TAF6L: variants seen among roughly 807,000 people sequenced by gnomAD.
TAF6L encodes TATA-box binding protein associated factor 6 like.
TAF6L carries 34 observed loss-of-function variants against 57.3 expected under a neutral mutation model. The ratio of observed to expected loss-of-function variants is 0.59; its 90% confidence interval spans 0.45 to 0.79. TAF6L has a LOEUF of 0.79. Ranked by LOEUF, TAF6L falls within the 30% of genes least tolerant of loss-of-function variation. The pLI is 0.00. For missense variants in TAF6L, 782 were observed against 853.2 expected, an observed-to-expected ratio of 0.92 and a Z score of 1.04; for synonymous variants, 417 against 376.3, an observed-to-expected ratio of 1.11 and a Z score of -1.25.
chr11:62,772,156 A>T (rs1470479893), intron 1 of TAF6L: 1 of 456,248 alleles, frequency 2.2e-6, no homozygotes, highest in Admixed American at 2.3e-5. Flanking sequence ...GAAATACATA[A>T]TAATATCTTA....
intron 1 of TAF6L, among the ~76,000 whole-genome samples, chr11:62,772,489 C>T (rs902964799): frequency 1.3e-5 from 2 of 149,806 alleles, no homozygotes; most frequent in Non-Finnish European, 3.0e-5. Context: ...CGCCACTGTA[C>T]TCCAGCCTGG....
rs986212681 is a variant in TAF6L, at chr11:62,787,072, A to G, written c.1645A>G (p.Lys549Glu). 14 of 1,530,648 alleles carry G rather than the reference A, an allele frequency of 9.1e-6. No homozygotes were observed. Among genetic ancestry groups the G allele is most frequent in the African/African-American group, 1.4e-5 (1 of 71,198 alleles). The allele number at this position is 1,530,648 out of a possible 1,614,324, so 94.8% of individuals were successfully genotyped here. The stretch of plus-strand genomic sequence containing the variant: ...GACCGGCACCCGCGACGTTTTCCAG[A>G]AGAGCCGTTTCGCCCCGCGCGGCGC... ...PGTGTRDVFQ[K>E]SRFAPRGAPH... is the part of the protein sequence containing the mutation. The change falls in exon 11 of 11, where the codon AAG (lysine) becomes GAG (glutamate). Residue 549 changes from lysine (K) to glutamate (E), a missense_variant. Physicochemically the swap from Lys to Glu is moderately conservative, Grantham distance 56. This residue lies in a region of TAF6L where 483 missense variants were observed against 445.1 expected (regional missense o/e 1.09). Transcript: ENST00000294168.
At chr11:62,781,097 G>A (rs1194569568) in intron 6 of TAF6L, among the ~76,000 whole-genome samples, 9 of 151,300 alleles carry the variant, frequency 5.9e-5, no homozygotes, top group Non-Finnish European at 1.2e-4. Flanking sequence ...TTAGCTGGGC[G>A]TGGTGGTGGG....
intron 1 of TAF6L, among the ~76,000 whole-genome samples, chr11:62,772,436 T>C (rs530870067): frequency 6.6e-6 from 1 of 151,616 alleles, no homozygotes; most frequent in African/African-American, 2.4e-5. Context: ...GGCAGGAGAA[T>C]TGCTTGAACC....
chr11:62,783,994 C>T (rs2084250111), intron 9 of TAF6L, among the ~76,000 whole-genome samples: 1 of 2,224 alleles, frequency 4.5e-4, no homozygotes, highest in African/African-American at 1.9e-3. Flanking sequence ...GGCGCCACTA[C>T]ACTCCAGCCC....
At chr11:62,779,578 G>T (rs1394233163) in intron 6 of TAF6L, among the ~76,000 whole-genome samples, 7 of 146,508 alleles carry the variant, frequency 4.8e-5, no homozygotes, top group East Asian at 4.1e-4. Context: ...CACCCGCCTT[G>T]GCCTCCCAAA....
intron 6 of TAF6L, among the ~76,000 whole-genome samples, chr11:62,780,475 C>T (rs1468617495): frequency 6.6e-6 from 1 of 151,990 alleles, no homozygotes; most frequent in African/African-American, 2.4e-5. Flanking sequence ...TGTGCCATTG[C>T]ACTCCAGCCT....
chr11:62,779,497 A>G (rs2084211443), intron 6 of TAF6L, among the ~76,000 whole-genome samples: 1 of 151,646 alleles, frequency 6.6e-6, no homozygotes, highest in Non-Finnish European at 1.5e-5. Flanking sequence ...GCCCAGCCTT[A>G]TATTTTTAAT....
At chr11:62,785,844 A>T (rs2084269638) in intron 9 of TAF6L, among the ~76,000 whole-genome samples, 1 of 152,162 alleles carries the variant, frequency 6.6e-6, no homozygotes, top group African/African-American at 2.4e-5. Context: ...CAATCACAGG[A>T]TTTTAAATTG....
chr11:62,785,589 C>T lies in TAF6L; in HGVS notation c.961-671C>T, dbSNP rs999615922. ...TCACTTTGCTTCCCAGGGTGGAGTG[C>T]GGTGGTGTGATCTCGGCTCACTGCA... On this transcript the variant is annotated intron_variant, in intron 9 of 10. Coordinates refer to ENST00000294168, the MANE Select transcript of TAF6L (RefSeq NM_006473.4). Among the ~76,000 whole-genome samples, 32 of 149,756 alleles carry T rather than the reference C, an allele frequency of 2.1e-4. 1 individual carries two copies. Among genetic ancestry groups the T allele is most frequent in the African/African-American group, 4.7e-4 (19 of 40,568 alleles).
At chr11:62,779,060 G>A (rs2134708699) in intron 6 of TAF6L, 97 bp downstream of exon 6, 9 of 1,047,688 alleles carry the variant, frequency 8.6e-6, no homozygotes, top group South Asian at 1.4e-5. Flanking sequence ...CGCTCTTGTT[G>A]CCCAGGCTGG....
rs371168609 is a variant in TAF6L at position 62,786,406 on chromosome 11, C to G, written c.1089+18C>G. 5.6e-6 allele frequency: 9 copies of G among 1,609,608 alleles called. No homozygotes were observed. Among genetic ancestry groups the G allele is most frequent in the Admixed American group, 5.0e-5 (3 of 59,916 alleles). Reference sequence around the variant, plus strand: ...CCATTCTGGTGAGTACCGTCCCCTTCCAGCCTCCCTTCCCTGCATGAGCTT... The same window carrying G: ...CCATTCTGGTGAGTACCGTCCCCTTGCAGCCTCCCTTCCCTGCATGAGCTT... On this transcript the variant is annotated intron_variant, in intron 10 of 10. Coordinates refer to ENST00000294168, the MANE Select transcript of TAF6L (RefSeq NM_006473.4).
At chr11:62,781,245 A>AAAAAAG (rs111979618) in intron 6 of TAF6L, among the ~76,000 whole-genome samples, 4 of 151,066 alleles carry the variant, frequency 2.6e-5, no homozygotes, top group South Asian at 2.1e-4. Context: ...CAAAGAAAAA[A>AAAAAAG]AAAAAAGAAA....
intron 8 of TAF6L, 21 bp from the exon 9 acceptor site, chr11:62,782,672 A>C: frequency 6.2e-7 from 1 of 1,609,678 alleles, no homozygotes; most frequent in Non-Finnish European, 8.5e-7. Flanking sequence ...TCCCCTCCCT[A>C]ACTGAATGGT....
At chr11:62,778,246 A>T (rs776698801) in intron 4 of TAF6L, 39 bp from the exon 5 acceptor site, 1 of 1,614,118 alleles carries the variant, frequency 6.2e-7, no homozygotes, top group Admixed American at 1.7e-5. Context: ...TCTAAGGGGC[A>T]AAACGCCAGG....
chr11:62,787,310 T>G lies in TAF6L; in HGVS notation c.*14T>G. 6.5e-7 allele frequency: 1 copy of G among 1,529,928 alleles called. No individual in the cohort carries two copies. Among genetic ancestry groups the G allele is most frequent in the East Asian group, 2.3e-5 (1 of 43,138 alleles). The allele number at this position is 1,529,928 out of a possible 1,614,324, so 94.8% of individuals were successfully genotyped here. ...TTGCCGCTCTGAGTCAGTGGCCCCT[T>G]CGTTCCTTGTAAATAAATCCCGCCC... is the stretch of plus-strand genomic sequence containing the variant. On this transcript the variant is annotated 3_prime_UTR_variant, in exon 11 of 11. Coordinates refer to ENST00000294168, the MANE Select transcript of TAF6L (RefSeq NM_006473.4).
intron 1 of TAF6L, among the ~76,000 whole-genome samples, chr11:62,774,889 C>G (rs1359749571): frequency 7.8e-6 from 1 of 128,522 alleles, no homozygotes; most frequent in African/African-American, 3.0e-5. Context: ...AAAACTCCGT[C>G]TCAAAAAAAA....
intron 1 of TAF6L, among the ~76,000 whole-genome samples, chr11:62,772,570 C>T (rs2134694491): frequency 6.7e-6 from 1 of 149,356 alleles, no homozygotes; most frequent in Non-Finnish European, 1.5e-5. Flanking sequence ...GGCTCTCACG[C>T]CTGTAATTTC....
intron 6 of TAF6L, among the ~76,000 whole-genome samples, chr11:62,779,868 G>C (rs2084214081): frequency 7.0e-6 from 1 of 142,704 alleles, no homozygotes; most frequent in Non-Finnish European, 1.5e-5. Flanking sequence ...GTTTCACCGT[G>C]TTGGCCAGGC....
Sources: allele counts gnomAD v4.1 joint callset (sites outside exome capture counted in the v4.1 genomes callset), GRCh38; gene constraint gnomAD v4.1.1; regional missense constraint gnomAD v4.1.1; transcripts MANE v1.5; gene names NCBI Gene and HGNC (gene_info 2026-07-23, HGNC 2026-07-21).